The following KCNQ3 variants were observed in gnomAD, a reference collection of about 807,000 sequenced individuals.
KCNQ3 encodes potassium voltage-gated channel subfamily KQT member 3.
In KCNQ3, 30 loss-of-function variants were observed where a neutral mutation model predicts 92.5. The observed-to-expected ratio is 0.32, with a 90% CI of 0.24 to 0.44. The LOEUF is 0.44. Among genes scored for constraint, KCNQ3 ranks in the 20% least tolerant of loss-of-function variants. The probability of loss-of-function intolerance (pLI) is 1.00; values close to 1 mark genes in which losing one functional copy is unlikely to be tolerated. For synonymous variants in KCNQ3, 450 were observed against 468.8 expected (o/e 0.96, Z 0.52); for missense variants, 913 against 1,140.3 (o/e 0.80, Z 2.87).
At chr8:132,220,098 G>A (rs1289743633) in intron 1 of KCNQ3, among the ~76,000 whole-genome samples, 2 of 152,036 alleles carry the variant, frequency 1.3e-5, no homozygotes, top group African/African-American at 4.8e-5. Flanking sequence ...AGTTCCATTA[G>A]GTGGGTTTAT....
chr8:132,175,241 G>C (rs899617341), intron 5 of KCNQ3, among the ~76,000 whole-genome samples: 1 of 152,236 alleles, frequency 6.6e-6, no homozygotes, highest in African/African-American at 2.4e-5. Flanking sequence ...CCAAGCCCTG[G>C]CTTCTTATAA....
chr8:132,466,644 C>T (rs904787569), intron 1 of KCNQ3, among the ~76,000 whole-genome samples: 3 of 152,094 alleles, frequency 2.0e-5, no homozygotes, highest in African/African-American at 7.2e-5. Flanking sequence ...TTACCTTCCC[C>T]GATTTTACAA....
chr8:132,297,458 A>G (rs571148899), intron 1 of KCNQ3, among the ~76,000 whole-genome samples: 3 of 151,988 alleles, frequency 2.0e-5, no homozygotes, highest in Non-Finnish European at 4.4e-5. Flanking sequence ...TCTATTTAAA[A>G]CTCTGATTTC....
At chr8:132,339,617 G>T (rs1169597444) in intron 1 of KCNQ3, among the ~76,000 whole-genome samples, 2 of 152,124 alleles carry the variant, frequency 1.3e-5, no homozygotes, top group Admixed American at 6.5e-5. Context: ...GCTGAGGCAT[G>T]AGTATTGCTT....
intron 1 of KCNQ3, among the ~76,000 whole-genome samples, chr8:132,244,811 C>G (rs950516495): frequency 2.0e-5 from 3 of 150,904 alleles, no homozygotes; most frequent in African/African-American, 7.3e-5. Context: ...TGTGTCATCC[C>G]ATAATTATTT....
intron 1 of KCNQ3, among the ~76,000 whole-genome samples, chr8:132,322,081 C>A (rs191292470): frequency 6.6e-6 from 1 of 151,894 alleles, no homozygotes; most frequent in South Asian, 2.1e-4. Flanking sequence ...AGAAGAGGGG[C>A]GGAGAGAGAT....
chr8:132,141,361 C>G, intron 9 of KCNQ3, 30 bp from the exon 10 acceptor site: 1 of 1,600,498 alleles, frequency 6.2e-7, no homozygotes, highest in Non-Finnish European at 8.6e-7. Flanking sequence ...GAACAATTTT[C>G]CTCCTTCAGT....
At chr8:132,243,315 AC>A (rs1815054033) in intron 1 of KCNQ3, among the ~76,000 whole-genome samples, 1 of 152,196 alleles carries the variant, frequency 6.6e-6, no homozygotes, top group East Asian at 1.9e-4. Context: ...CTCTAGTCTC[AC>A]TACTGACACT....
At chr8:132,226,393 G>A (rs10091689) in intron 1 of KCNQ3, among the ~76,000 whole-genome samples, 2,848 of 152,268 alleles carry the variant, frequency 0.019, 55 homozygotes, top group South Asian at 0.048. Context: ...GTGTATATGT[G>A]TGTGCATGGG....
intron 1 of KCNQ3, among the ~76,000 whole-genome samples, chr8:132,250,765 G>A (rs1815380958): frequency 6.6e-6 from 1 of 152,150 alleles, no homozygotes. Flanking sequence ...TCTGTCATGG[G>A]CTGGCTTCAA....
intron 1 of KCNQ3, among the ~76,000 whole-genome samples, chr8:132,256,052 T>C (rs1023879849): frequency 1.1e-4 from 16 of 152,280 alleles, no homozygotes; most frequent in African/African-American, 3.6e-4. Flanking sequence ...TGTAGAACTT[T>C]CTAGACATAG....
chr8:132,312,212 G>A (rs923288675), intron 1 of KCNQ3, among the ~76,000 whole-genome samples: 15 of 152,202 alleles, frequency 9.9e-5, no homozygotes, highest in Non-Finnish European at 1.5e-5. Flanking sequence ...CACTCAGGTT[G>A]TGGTGCTTTG....
At chr8:132,381,413 C>A (rs773303568) in intron 1 of KCNQ3, among the ~76,000 whole-genome samples, 10 of 152,176 alleles carry the variant, frequency 6.6e-5, no homozygotes, top group Non-Finnish European at 1.3e-4. Flanking sequence ...GCAGAGATTT[C>A]CACTAAGAAA....
intron 1 of KCNQ3, among the ~76,000 whole-genome samples, chr8:132,377,109 T>C (rs1300909848): frequency 6.6e-6 from 1 of 152,110 alleles, no homozygotes; most frequent in Non-Finnish European, 1.5e-5. Context: ...CCAGAAGAGA[T>C]TACCACTTGA....
chr8:132,387,150 A>G (rs997673751), intron 1 of KCNQ3, among the ~76,000 whole-genome samples: 5 of 152,238 alleles, frequency 3.3e-5, no homozygotes, highest in Non-Finnish European at 7.4e-5. Context: ...AGGAGAGTTT[A>G]GAGCATATTA....
In KCNQ3 at chr8:132,274,009, C is replaced by A. The variant is rs1287191930; in HGVS notation, c.387-87828G>T. ...CCCACATTTTCCTGTCTTCTGAGCCCTCCAAACTGTTCCAAACTCTTCCTG... is the reference window on the plus strand; with the variant it reads ...CCCACATTTTCCTGTCTTCTGAGCCATCCAAACTGTTCCAAACTCTTCCTG... On this transcript the variant is annotated intron_variant, in intron 1 of 14. Transcript: ENST00000388996. 2.0e-5 allele frequency among the ~76,000 whole-genome samples: 3 copies of A among 152,168 alleles called. No homozygotes were observed. The East Asian group carries it at 5.8e-4, about 29-fold the overall frequency.
intron 1 of KCNQ3, among the ~76,000 whole-genome samples, chr8:132,265,500 G>A (rs1452143624): frequency 6.6e-6 from 1 of 152,220 alleles, no homozygotes; most frequent in Non-Finnish European, 1.5e-5. Context: ...GTTTCCTGAT[G>A]TTTCTAGCTG....
intron 1 of KCNQ3, among the ~76,000 whole-genome samples, chr8:132,211,723 C>T (rs569658486): frequency 4.6e-5 from 7 of 152,096 alleles, no homozygotes; most frequent in African/African-American, 1.2e-4. Context: ...GAGGCCAAGG[C>T]GGGTGGATCA....
At chr8:132,184,091 G>C (rs1161453794) in intron 3 of KCNQ3, 150 bp downstream of exon 3, 2 of 939,910 alleles carry the variant, frequency 2.1e-6, no homozygotes, top group African/African-American at 3.2e-5. Flanking sequence ...GGTTGACACT[G>C]TCCCTTCTCA....
Sources: gnomAD v4.1 joint callset for allele counts (sites outside exome capture counted in the v4.1 genomes callset) on GRCh38, gnomAD v4.1.1 for gene constraint, MANE v1.5 for transcripts, NCBI Gene and HGNC (gene_info 2026-07-23, HGNC 2026-07-21) for gene names.